GXYLT1: variants seen among roughly 807,000 people sequenced by gnomAD.
GXYLT1 encodes the protein glucoside xylosyltransferase 1, also known as glycosyltransferase 8 domain containing 3.
GXYLT1 carries 29 observed loss-of-function variants against 54.0 expected under a neutral mutation model. That is an observed-to-expected ratio of 0.54 (90% CI 0.40 to 0.73). The LOEUF (loss-of-function observed/expected upper bound fraction) is 0.73, where lower values mean the gene tolerates loss of function less well. Ranked by LOEUF, GXYLT1 falls within the 30% of genes least tolerant of loss-of-function variation. The pLI is 0.00. For missense variants in GXYLT1, 490 were observed against 553.4 expected, an observed-to-expected ratio of 0.89 and a Z score of 1.15; for synonymous variants, 176 against 204.1, an observed-to-expected ratio of 0.86 and a Z score of 1.17.
chr12:42,085,400 T>C lies in GXYLT1; in HGVS notation c.*2386A>G, dbSNP rs879165472. On this transcript the variant is annotated 3_prime_UTR_variant, in exon 8 of 8. Transcript: ENST00000398675. ...ACGCTCTACACAAGTCCCAATCAAT[T>C]AGAGCCCATGGGGCTGAGATTCTCC... 2 of 152,272 alleles carry C rather than the reference T, an allele frequency of 1.3e-5. No homozygotes were observed. Among genetic ancestry groups the C allele is most frequent in the Admixed American group, 6.5e-5 (1 of 15,288 alleles). 9.4% of individuals were successfully genotyped at this position (152,272 alleles called of 1,614,324 possible). A position where few individuals can be genotyped will look rare whatever the true frequency, so the allele number is the denominator to read the frequency against.
chr12:42,108,708 A>G (rs1413259870), intron 4 of GXYLT1, among the ~76,000 whole-genome samples: 1 of 152,198 alleles, frequency 6.6e-6, no homozygotes, highest in Non-Finnish European at 1.5e-5. Context: ...TTAATCTTAC[A>G]GATATCCTGG....
intron 1 of GXYLT1, among the ~76,000 whole-genome samples, chr12:42,138,991 T>A (rs1002954177): frequency 8.6e-5 from 13 of 151,584 alleles, no homozygotes; most frequent in Admixed American, 3.9e-4. Context: ...TGAGCCAAGA[T>A]CATGCCACTG....
intron 5 of GXYLT1, among the ~76,000 whole-genome samples, chr12:42,099,948 T>A (rs2065380027): frequency 6.6e-6 from 1 of 152,212 alleles, no homozygotes; most frequent in Non-Finnish European, 1.5e-5. Flanking sequence ...TGCTGCCTTT[T>A]GAAATGAGAT....
At position 42,112,685 on chromosome 12, in the gene GXYLT1, GGA is replaced by G. The variant is rs2065466022; in HGVS notation, c.487-2996_487-2995del. The stretch of plus-strand genomic sequence containing the variant: ...TCTGATTGGTGTACCTGAAAGTGAC[GGA>G]GAGAATGGAACCAAGTTGGAAAACA... On this transcript the variant is annotated intron_variant, in intron 3 of 7. Transcript: ENST00000398675. 6.6e-5 allele frequency among the ~76,000 whole-genome samples: 10 copies of G among 152,260 alleles called. 1 individual carries two copies. In the South Asian group the frequency reaches 2.1e-3, roughly 32 times the overall value.
intron 5 of GXYLT1, among the ~76,000 whole-genome samples, chr12:42,105,494 T>C (rs1240348517): frequency 1.3e-5 from 2 of 152,178 alleles, no homozygotes; most frequent in South Asian, 2.1e-4. Context: ...ATTTAGATTC[T>C]ATGTATTCTA....
In GXYLT1 at chr12:42,085,643, A is replaced by G. The variant is rs2065286801; in HGVS notation, c.*2143T>C. On this transcript the variant is annotated 3_prime_UTR_variant, in exon 8 of 8. Transcript: ENST00000398675. The stretch of plus-strand genomic sequence containing the variant: ...AAAGTCATCTGAGGTGATTGTTAAA[A>G]ACGAAATCATCATGTGACTTATATT... 1.3e-5 allele frequency: 2 copies of G among 152,232 alleles called. No individual in the cohort carries two copies. The allele number at this position is 152,232 out of a possible 1,614,324, so 9.4% of individuals were successfully genotyped here.
intron 4 of GXYLT1, 94 bp downstream of exon 4, chr12:42,109,472 G>T: frequency 1.3e-6 from 1 of 795,446 alleles, no homozygotes; most frequent in Non-Finnish European, 1.7e-6. Flanking sequence ...TATTTAACTG[G>T]AATTATATGT....
chr12:42,116,626 C>T (rs1565575066), intron 3 of GXYLT1, among the ~76,000 whole-genome samples: 1 of 152,188 alleles, frequency 6.6e-6, no homozygotes, highest in Non-Finnish European at 1.5e-5. Flanking sequence ...AGTCAGGAAA[C>T]AGCAGGTGCT....
chr12:42,090,050 T>C (rs920418346), intron 7 of GXYLT1, among the ~76,000 whole-genome samples: 3 of 152,186 alleles, frequency 2.0e-5, no homozygotes, highest in Admixed American at 2.0e-4. Flanking sequence ...GAGATTAAGT[T>C]TCTTTGTTTT....
At chr12:42,118,734 A>G (rs1485877219) in intron 3 of GXYLT1, among the ~76,000 whole-genome samples, 2 of 152,160 alleles carry the variant, frequency 1.3e-5, no homozygotes, top group African/African-American at 2.4e-5. Context: ...TCATGGTTTA[A>G]AAGTGTGGTC....
intron 2 of GXYLT1, among the ~76,000 whole-genome samples, chr12:42,125,508 G>A (rs1167027683): frequency 6.6e-6 from 1 of 152,160 alleles, no homozygotes; most frequent in Non-Finnish European, 1.5e-5. Flanking sequence ...CAGCGTTAGA[G>A]GAGTCCAGGA....
At chr12:42,139,533 G>T (rs1261552880) in intron 1 of GXYLT1, among the ~76,000 whole-genome samples, 1 of 152,144 alleles carries the variant, frequency 6.6e-6, no homozygotes, top group African/African-American at 2.4e-5. Context: ...CAGGGAGAAG[G>T]CGCCATCTAT....
rs1017184137 is a variant in GXYLT1, at chr12:42,085,656, T to C, written c.*2130A>G. On this transcript the variant is annotated 3_prime_UTR_variant, in exon 8 of 8. Transcript: ENST00000398675. ...GTGATTGTTAAAAACGAAATCATCA[T>C]GTGACTTATATTCTGTTGATTCTAA... 2 of 152,212 alleles carry C rather than the reference T, an allele frequency of 1.3e-5. No individual in the cohort carries two copies. Among genetic ancestry groups the C allele is most frequent in the Non-Finnish European group, 2.9e-5 (2 of 68,044 alleles). 9.4% of individuals were successfully genotyped at this position (152,212 alleles called of 1,614,324 possible). A position where few individuals can be genotyped will look rare whatever the true frequency, so the allele number is the denominator to read the frequency against.
At position 42,123,662 on chromosome 12, in the gene GXYLT1, AGT is replaced by A. The variant is rs552346598; in HGVS notation, c.315-4493_315-4492del. 2.5e-3 allele frequency among the ~76,000 whole-genome samples: 377 copies of A among 152,234 alleles called. 2 individuals carry two copies. The highest frequency in any genetic ancestry group is 8.5e-3 in the African/African-American group (354 of 41,578). ...TGTTTTATTTCACAGTATGATCTCC[AGT>A]GTGTTCTTATAGCCTATTATTAAAT... On this transcript the variant is annotated intron_variant, in intron 2 of 7. Coordinates refer to ENST00000398675, the MANE Select transcript of GXYLT1 (RefSeq NM_173601.2).
At chr12:42,135,838 C>A (rs1181220917) in intron 1 of GXYLT1, among the ~76,000 whole-genome samples, 1 of 152,180 alleles carries the variant, frequency 6.6e-6, no homozygotes, top group African/African-American at 2.4e-5. Context: ...TACAGGGTTT[C>A]TTTGGGGGGT....
At chr12:42,131,074 A>C (rs965498213) in intron 1 of GXYLT1, among the ~76,000 whole-genome samples, 1 of 152,206 alleles carries the variant, frequency 6.6e-6, no homozygotes, top group Non-Finnish European at 1.5e-5. Flanking sequence ...TACAAGCTAA[A>C]ATGGAAGATC....
Position 42,082,680 on chromosome 12 carries a change from T to G in GXYLT1, c.*5106A>C, listed in dbSNP as rs2065260638. 1 of 152,150 alleles carries G rather than the reference T, an allele frequency of 6.6e-6. No individual in the cohort carries two copies. 9.4% of individuals were successfully genotyped at this position (152,150 alleles called of 1,614,324 possible). On this transcript the variant is annotated 3_prime_UTR_variant, in exon 8 of 8. Coordinates refer to ENST00000398675, the MANE Select transcript of GXYLT1 (RefSeq NM_173601.2). ...TTTTTTGTAGAGATGGGGTCTCACTTTGTCACCTAGGCTGGTCTCAAACTC... is the reference window on the plus strand; with the variant it reads ...TTTTTTGTAGAGATGGGGTCTCACTGTGTCACCTAGGCTGGTCTCAAACTC...
At position 42,105,976 on chromosome 12, in the gene GXYLT1, A is replaced by T. The variant is rs1362744839; in HGVS notation, c.706T>A (p.Phe236Ile). The change falls in exon 5 of 8, where the codon TTT becomes ATT. Residue 236 changes from phenylalanine (F) to isoleucine (I), a missense_variant. Physicochemically the swap from Phe to Ile is conservative, Grantham distance 21. Around this residue, in one of 2 missense-constraint regions of GXYLT1, gnomAD observed 342 missense variants for 342.6 expected, o/e 1.00. Transcript: ENST00000398675. ...ATTGCAGCAATTTGTGTGGAATTAA[A>T]TTTCTTTAGTAAAGACCAAATATCA... is the stretch of plus-strand genomic sequence containing the variant. Reference protein sequence around the residue: ...VDDIWSLLKKFNSTQIAAMAP... With the variant: ...VDDIWSLLKKINSTQIAAMAP... The T allele has an allele frequency of 3.7e-6, 6 of 1,613,938 alleles. No individual in the cohort carries two copies. Among genetic ancestry groups the T allele is most frequent in the Non-Finnish European group, 5.1e-6 (6 of 1,179,918 alleles).
At chr12:42,115,397 A>C (rs2065487655) in intron 3 of GXYLT1, among the ~76,000 whole-genome samples, 1 of 152,230 alleles carries the variant, frequency 6.6e-6, no homozygotes, top group African/African-American at 2.4e-5. Flanking sequence ...ATTCAGCCCA[A>C]AAACTCCTCA....
Sources: gnomAD v4.1 joint callset for allele counts (sites outside exome capture counted in the v4.1 genomes callset) on GRCh38, gnomAD v4.1.1 for gene constraint, gnomAD v4.1.1 regional missense constraint, MANE v1.5 for transcripts, NCBI Gene and HGNC (gene_info 2026-07-23, HGNC 2026-07-21) for gene names.